CPNE4: variants seen among roughly 807,000 people sequenced by gnomAD.
CPNE4 encodes the protein copine 4.
CPNE4 carries 25 observed loss-of-function variants against 67.9 expected under a neutral mutation model. The ratio of observed to expected loss-of-function variants is 0.37; its 90% confidence interval spans 0.27 to 0.51. The LOEUF (loss-of-function observed/expected upper bound fraction) is 0.51. Ranked by LOEUF, CPNE4 falls within the 20% of genes least tolerant of loss-of-function variation. The probability of loss-of-function intolerance (pLI) is 0.93; values close to 1 mark genes in which losing one functional copy is unlikely to be tolerated. For missense variants in CPNE4, 464 were observed against 690.8 expected, an observed-to-expected ratio of 0.67 and a Z score of 3.68; for synonymous variants, 242 against 244.9, an observed-to-expected ratio of 0.99 and a Z score of 0.11.
chr3:131,619,954 G>A (rs80006421), intron 7 of CPNE4, among the ~76,000 whole-genome samples: 4,127 of 152,280 alleles, frequency 0.027, 64 homozygotes, highest in East Asian at 0.044. Context: ...TGCAGGAGAA[G>A]TGAAGCCTTC....
chr3:131,711,887 C>T (rs539803233), intron 3 of CPNE4, among the ~76,000 whole-genome samples: 2 of 152,286 alleles, frequency 1.3e-5, no homozygotes, highest in South Asian at 4.1e-4. Flanking sequence ...GCCCCAAGCC[C>T]TCCTGGGTCT....
At chr3:131,796,583 GTCACTGCCACACA>G (rs2083924665) in intron 2 of CPNE4, among the ~76,000 whole-genome samples, 1 of 152,186 alleles carries the variant, frequency 6.6e-6, no homozygotes, top group Non-Finnish European at 1.5e-5. Context: ...ACTAGAATAA[GTCACTGCCACACA>G]TCATCTGCCC....
chr3:132,039,547 C>G (rs1347618598), upstream of CPNE4: 2 of 152,170 alleles, frequency 1.3e-5, no homozygotes, highest in Non-Finnish European at 2.9e-5. Context: ...CTATTAATGA[C>G]TGAAAAAGCG....
At chr3:131,969,978 C>G (rs1241939632) in intron 1 of CPNE4, among the ~76,000 whole-genome samples, 2 of 152,108 alleles carry the variant, frequency 1.3e-5, no homozygotes, top group Non-Finnish European at 2.9e-5. Flanking sequence ...AGTGTCTGCT[C>G]CATAACAGAT....
chr3:131,717,030 T>C (rs1378061128), intron 3 of CPNE4, among the ~76,000 whole-genome samples: 1 of 152,230 alleles, frequency 6.6e-6, no homozygotes, highest in Non-Finnish European at 1.5e-5. Flanking sequence ...TCTGGAGTTT[T>C]AAAGAAGGAA....
Position 131,535,151 on chromosome 3 carries a change from A to G in CPNE4, c.*44T>C, listed in dbSNP as rs1324455871. ...GTAGAAGTATTAAATATGAAATATT[A>G]GCAGGAATAGTATTTCAGAACTCTG... On this transcript the variant is annotated 3_prime_UTR_variant, in exon 16 of 16. Coordinates refer to ENST00000429747, the MANE Select transcript of CPNE4 (RefSeq NM_130808.3). 3.9e-6 allele frequency: 6 copies of G among 1,537,798 alleles called. No homozygotes were observed. Among genetic ancestry groups the G allele is most frequent in the Non-Finnish European group, 4.4e-6 (5 of 1,138,450 alleles).
At chr3:131,952,763 G>A (rs531716756) in intron 1 of CPNE4, among the ~76,000 whole-genome samples, 16 of 152,236 alleles carry the variant, frequency 1.1e-4, no homozygotes, top group African/African-American at 2.6e-4. Flanking sequence ...CATTGAGAAC[G>A]GGCCAGGATG....
At chr3:131,921,127 A>G (rs1179972941) in intron 1 of CPNE4, among the ~76,000 whole-genome samples, 1 of 152,194 alleles carries the variant, frequency 6.6e-6, no homozygotes, top group Admixed American at 6.5e-5. Context: ...TTGCCTCTGC[A>G]TCTCAGAAAC....
Sources: gnomAD v4.1 joint callset for allele counts (sites outside exome capture counted in the v4.1 genomes callset) on GRCh38, gnomAD v4.1.1 for gene constraint, MANE v1.5 for transcripts, NCBI Gene and HGNC (gene_info 2026-07-23, HGNC 2026-07-21) for gene names.